DRC9: variants seen among roughly 807,000 people sequenced by gnomAD.
DRC9 encodes dynein regulatory complex subunit 9.
the DRC9 span, among the ~76,000 whole-genome samples, chr3:197,904,098 A>G: frequency 4.3e-5 from 2 of 46,918 alleles, no homozygotes; most frequent in East Asian, 1.5e-3. Flanking sequence ...ATATATATAT[A>G]TATATATATA....
At chr3:197,907,319 C>G in the DRC9 span, among the ~76,000 whole-genome samples, 1 of 152,190 alleles carries the variant, frequency 6.6e-6, no homozygotes, top group African/African-American at 2.4e-5. Flanking sequence ...ACATTCCTGT[C>G]TCCCTACATC....
chr3:197,889,545 C>T, the DRC9 span: 13 of 1,613,666 alleles, frequency 8.1e-6, no homozygotes, highest in Non-Finnish European at 1.1e-5. Context: ...TTCCCACCTC[C>T]AGAATACCAG....
the DRC9 span, among the ~76,000 whole-genome samples, chr3:197,919,585 G>A: frequency 3.3e-5 from 5 of 152,112 alleles, no homozygotes; most frequent in Admixed American, 1.3e-4. Flanking sequence ...CCTTCAGATC[G>A]GGACCTCTGG....
chr3:197,906,960 GC>G, the DRC9 span, among the ~76,000 whole-genome samples: 1 of 152,132 alleles, frequency 6.6e-6, no homozygotes, highest in East Asian at 1.9e-4. Flanking sequence ...TCATTCATTA[GC>G]CATTGCCAAG....
chr3:197,933,758 ATGTGTTTG>A, the DRC9 span, among the ~76,000 whole-genome samples: 1 of 151,886 alleles, frequency 6.6e-6, no homozygotes, highest in Non-Finnish European at 1.5e-5. Flanking sequence ...TACTTTTATT[ATGTGTTTG>A]TGTGTTTTAT....
the DRC9 span, among the ~76,000 whole-genome samples, chr3:197,948,603 T>C: frequency 3.9e-5 from 6 of 152,238 alleles, no homozygotes; most frequent in South Asian, 2.1e-4. Context: ...TATAGAACTT[T>C]GACAAATCAA....
chr3:197,913,036 T>TC, the DRC9 span: 1 of 354,062 alleles, frequency 2.8e-6, no homozygotes, highest in African/African-American at 2.1e-5. Context: ...CTGTGGGGCT[T>TC]AAAAAGGGGG....
chr3:197,949,129 T>A, the DRC9 span, among the ~76,000 whole-genome samples: 1 of 152,192 alleles, frequency 6.6e-6, no homozygotes, highest in African/African-American at 2.4e-5. Flanking sequence ...TTCTAACGTG[T>A]CATCTATTTT....
chr3:197,953,454 G>C, the DRC9 span: 2 of 456,578 alleles, frequency 4.4e-6, no homozygotes, highest in African/African-American at 4.0e-5. Flanking sequence ...GTAAAAGCCC[G>C]TCATTAAGAG....
At chr3:197,947,501 C>G in the DRC9 span, among the ~76,000 whole-genome samples, 1 of 152,186 alleles carries the variant, frequency 6.6e-6, no homozygotes, top group African/African-American at 2.4e-5. Context: ...GGGCTTCTTT[C>G]AGTTCTTCTC....
the DRC9 span, chr3:197,953,747 C>G: frequency 2.3e-5 from 13 of 560,892 alleles, no homozygotes; most frequent in South Asian, 2.4e-4. Flanking sequence ...ATCATCTGAC[C>G]TATGTATTTT....
chr3:197,931,914 C>T, the DRC9 span, among the ~76,000 whole-genome samples: 9 of 152,184 alleles, frequency 5.9e-5, no homozygotes, highest in East Asian at 3.9e-4. Context: ...CGTGAGCCAC[C>T]GCGCCCGGCC....
chr3:197,913,042 G>T, the DRC9 span: 2 of 336,970 alleles, frequency 5.9e-6, no homozygotes, highest in Non-Finnish European at 1.1e-5. Context: ...GGCTTAAAAA[G>T]GGGGATTCCG....
At chr3:197,952,204 CT>C in the DRC9 span, among the ~76,000 whole-genome samples, 2 of 114,216 alleles carry the variant, frequency 1.8e-5, no homozygotes, top group Non-Finnish European at 3.3e-5. Context: ...CGGAGTCTCA[CT>C]GTCACCTAGG....
the DRC9 span, chr3:197,912,457 A>G: frequency 8.3e-6 from 4 of 480,040 alleles, no homozygotes; most frequent in African/African-American, 6.0e-5. Context: ...TGTAAGCTCA[A>G]TGATAAAAGC....
chr3:197,891,612 C>A, the DRC9 span: 1 of 794,460 alleles, frequency 1.3e-6, no homozygotes, highest in South Asian at 1.9e-5. Context: ...CCCAGCCAGC[C>A]CTGCACTTTT....
the DRC9 span, chr3:197,914,113 C>T: frequency 1.3e-5 from 17 of 1,328,528 alleles, no homozygotes; most frequent in South Asian, 2.4e-5. Context: ...CAGCGGCTTA[C>T]GGTTCCCTTT....
chr3:197,935,493 A>G, the DRC9 span, among the ~76,000 whole-genome samples: 17 of 152,008 alleles, frequency 1.1e-4, 1 homozygote, highest in Non-Finnish European at 1.8e-4. Flanking sequence ...ATTGTTAATT[A>G]ATTAATTAGA....
At chr3:197,900,747 G>T in the DRC9 span, among the ~76,000 whole-genome samples, 5 of 152,348 alleles carry the variant, frequency 3.3e-5, no homozygotes, top group African/African-American at 1.2e-4. The surrounding 1 kb of genome is among the most constrained non-coding windows in gnomAD (Gnocchi z 4.7). Flanking sequence ...GAGGATACCA[G>T]CTCAGCCACA....
Sources: gnomAD v4.1 joint callset for allele counts (sites outside exome capture counted in the v4.1 genomes callset) on GRCh38, gnomAD v4.1.1 for gene constraint, Gnocchi (gnomAD v3.1) non-coding constraint, MANE v1.5 for transcripts, NCBI Gene and HGNC (gene_info 2026-07-23, HGNC 2026-07-21) for gene names.